The following TRAF2 variants were observed in gnomAD, a reference collection of about 807,000 sequenced individuals.
TRAF2 encodes the protein TNF receptor associated factor 2.
Under a neutral mutation model 55.6 loss-of-function variants are expected in TRAF2, and 6 were observed. That is an observed-to-expected ratio of 0.11 (90% CI 0.06 to 0.21). The LOEUF is 0.21. Among genes scored for constraint, TRAF2 ranks in the 10% least tolerant of loss-of-function variants. TRAF2 has a pLI of 1.00. For missense variants in TRAF2, 561 were observed against 684.5 expected (o/e 0.82, Z 2.01); for synonymous variants, 329 against 276.3 (o/e 1.19, Z -1.89).
chr9:136,926,606 T>G lies in TRAF2; in HGVS notation c.*705T>G. On this transcript the variant is annotated 3_prime_UTR_variant, in exon 11 of 11. Transcript: ENST00000247668. ...ACAGAGTTATTAAACCATTCAAATC[T>G]CTGTGGTCAGTGGCATCCATTTGAT... The G allele has an allele frequency of 6.3e-6, 1 of 158,506 alleles. No homozygotes were observed. Among genetic ancestry groups the G allele is most frequent in the Non-Finnish European group, 1.4e-5 (1 of 71,176 alleles). 9.8% of individuals were successfully genotyped at this position (158,506 alleles called of 1,614,324 possible).
At chr9:136,894,918 T>TA (rs780076163) in intron 1 of TRAF2, among the ~76,000 whole-genome samples, 2 of 152,200 alleles carry the variant, frequency 1.3e-5, no homozygotes, top group East Asian at 1.9e-4. Flanking sequence ...TTCCAACCTG[T>TA]AGTGTGCATG....
chr9:136,921,303 C>A, intron 9 of TRAF2, 88 bp downstream of exon 9: 1 of 1,535,176 alleles, frequency 6.5e-7, no homozygotes, highest in Non-Finnish European at 8.9e-7. Flanking sequence ...AGGATGGCTC[C>A]CAAGGGTGGG....
chr9:136,920,851 G>A (rs891956081), intron 8 of TRAF2, among the ~76,000 whole-genome samples, 187 bp from the exon 9 acceptor site: 2 of 152,206 alleles, frequency 1.3e-5, no homozygotes, highest in African/African-American at 4.8e-5. Flanking sequence ...GCTTCTGTGT[G>A]GACTTGGAGC....
chr9:136,898,604 G>T (rs892974586), intron 1 of TRAF2, 109 bp from the exon 2 acceptor site: 7 of 1,499,464 alleles, frequency 4.7e-6, no homozygotes, highest in African/African-American at 2.8e-5. Flanking sequence ...CCGCAGGTCA[G>T]TGGGGACCCG....
intron 4 of TRAF2, among the ~76,000 whole-genome samples, chr9:136,902,794 C>T (rs1002608769): frequency 2.0e-5 from 3 of 152,174 alleles, no homozygotes; most frequent in African/African-American, 7.2e-5. Context: ...CTTTGCTCTC[C>T]GGGTGCTCGG....
intron 1 of TRAF2, 113 bp downstream of exon 1, chr9:136,886,654 G>A: frequency 1.3e-6 from 1 of 759,560 alleles, no homozygotes; most frequent in Non-Finnish European, 1.6e-6. Context: ...ACTCCGGGCC[G>A]GAGCGGGAGC....
At chr9:136,900,399 C>G in intron 3 of TRAF2, 23 bp from the exon 4 acceptor site, 1 of 1,552,450 alleles carries the variant, frequency 6.4e-7, no homozygotes, top group South Asian at 1.2e-5. Flanking sequence ...GAGGTTTAAC[C>G]CGAGGGATAT....
At position 136,898,768 on chromosome 9, in the gene TRAF2, G is replaced by A. The variant is rs750301485; in HGVS notation, c.28G>A (p.Gly10Ser). Residue 10 changes from glycine (G) to serine (S), a missense_variant, in exon 2 of 11, where the codon GGC becomes AGC. Coordinates refer to ENST00000247668, the MANE Select transcript of TRAF2 (RefSeq NM_021138.4). ...GGCTGCAGCTAGCGTGACCCCCCCT[G>A]GCTCCCTGGAGTTGCTACAGCCCGG... MAAASVTPPGSLELLQPGFS... is the reference protein window; with the variant it reads MAAASVTPPSSLELLQPGFS... 5.6e-6 allele frequency: 9 copies of A among 1,613,658 alleles called. No individual in the cohort carries two copies. Among genetic ancestry groups the A allele is most frequent in the South Asian group, 4.4e-5 (4 of 91,092 alleles).
chr9:136,889,584 C>T (rs916167572), intron 1 of TRAF2: 1 of 152,238 alleles, frequency 6.6e-6, no homozygotes, highest in Non-Finnish European at 1.5e-5. Flanking sequence ...CTTGCCCGGC[C>T]TTAAAACCTG....
intron 1 of TRAF2, chr9:136,890,202 TGA>T (rs906057694): frequency 2.0e-5 from 3 of 151,642 alleles, no homozygotes; most frequent in Admixed American, 6.6e-5. Context: ...ACCGCATGTG[TGA>T]GAGTCCCCAC....
intron 7 of TRAF2, among the ~76,000 whole-genome samples, chr9:136,917,430 T>C (rs956751005): frequency 6.6e-6 from 1 of 152,228 alleles, no homozygotes; most frequent in African/African-American, 2.4e-5. Context: ...CTGCAGACTC[T>C]GCCCCTCTGT....
chr9:136,903,226 C>T (rs1849862559), intron 4 of TRAF2, among the ~76,000 whole-genome samples: 1 of 152,232 alleles, frequency 6.6e-6, no homozygotes, highest in African/African-American at 2.4e-5. Context: ...GCTGAGATTC[C>T]TGGCATAAGC....
chr9:136,904,442 G>T (rs1166868891), intron 4 of TRAF2, among the ~76,000 whole-genome samples: 1 of 152,064 alleles, frequency 6.6e-6, no homozygotes, highest in East Asian at 1.9e-4. Flanking sequence ...GTCTCACTCT[G>T]TCGCCCAGGC....
At chr9:136,907,892 T>G (rs899450872) in intron 4 of TRAF2, among the ~76,000 whole-genome samples, 178 bp from the exon 5 acceptor site, 1 of 151,934 alleles carries the variant, frequency 6.6e-6, no homozygotes, top group Admixed American at 6.6e-5. Flanking sequence ...CACACTGATC[T>G]GATCTCCTCC....
At position 136,925,886 on chromosome 9, in the gene TRAF2, C is replaced by T. The variant is rs745876242; in HGVS notation, c.1491C>T (p.Asp497=). The change falls in exon 11 of 11, where the codon GAC becomes GAT. Residue 497 remains aspartate, a synonymous_variant. Transcript: ENST00000247668. The part of the protein sequence containing the change: ...DDAIFIKAIV[D]LTGL ...CCATCTTCATCAAGGCCATTGTGGA[C>T]CTGACAGGGCTCTAACTGCCCCCTA... 1 of 1,614,182 alleles carries T rather than the reference C, an allele frequency of 6.2e-7. No individual in the cohort carries two copies. The highest frequency in any genetic ancestry group is 8.5e-7 in the Non-Finnish European group (1 of 1,180,040).
intron 4 of TRAF2, among the ~76,000 whole-genome samples, chr9:136,903,463 T>C (rs1849868712): frequency 6.6e-6 from 1 of 152,016 alleles, no homozygotes; most frequent in African/African-American, 2.4e-5. Flanking sequence ...ATGGACATTC[T>C]AGTGACATTC....
chr9:136,895,506 G>A (rs562910778), intron 1 of TRAF2, among the ~76,000 whole-genome samples: 16 of 152,308 alleles, frequency 1.1e-4, no homozygotes, highest in African/African-American at 2.9e-4. Flanking sequence ...GGCACAGAGC[G>A]GTCAGCATCT....
intron 1 of TRAF2, among the ~76,000 whole-genome samples, chr9:136,887,514 G>A (rs992446523): frequency 6.6e-6 from 1 of 152,152 alleles, no homozygotes; most frequent in African/African-American, 2.4e-5. Context: ...CCGACAGGGG[G>A]TGGGGTGTCT....
chr9:136,921,361 A>C (rs1450786835), intron 9 of TRAF2, 146 bp downstream of exon 9: 1 of 1,057,798 alleles, frequency 9.5e-7, no homozygotes, highest in Non-Finnish European at 1.4e-6. Context: ...CACCTCCCTG[A>C]GTGGCAAGTG....
Sources: allele counts gnomAD v4.1 joint callset (sites outside exome capture counted in the v4.1 genomes callset), GRCh38; gene constraint gnomAD v4.1.1; transcripts MANE v1.5; gene names NCBI Gene and HGNC (gene_info 2026-07-23, HGNC 2026-07-21).